Variants in PRKN observed in about 807,000 individuals in gnomAD.
The protein encoded by PRKN is E3 ubiquitin-protein ligase parkin.
A neutral mutation model predicts 59.5 loss-of-function variants in PRKN; 56 were observed. That is an observed-to-expected ratio of 0.94 (90% CI 0.76 to 1.18). The LOEUF (loss-of-function observed/expected upper bound fraction) is 1.18, where lower values mean the gene tolerates loss of function less well. PRKN is among the 50% of genes most tolerant of loss of function. The pLI is 0.00. For missense variants in PRKN, 657 were observed against 596.4 expected (o/e 1.10, Z -1.06); for synonymous variants, 250 against 222.1 (o/e 1.13, Z -1.12).
intron 7 of PRKN, among the ~76,000 whole-genome samples, chr6:161,655,885 T>TACACACACACACACAC (rs376047879): frequency 1.8e-5 from 1 of 56,844 alleles, no homozygotes; most frequent in Non-Finnish European, 4.7e-5. Context: ...CACACACACA[T>TACACACACACACACAC]ACACACACAC....
rs536658645 is a variant in PRKN at position 162,536,423 on chromosome 6, G to A, written c.8-92950C>T. Among the ~76,000 whole-genome samples the A allele has an allele frequency of 2.6e-5, 4 of 152,066 alleles. No homozygotes were observed. The South Asian group carries it at 8.3e-4, about 32-fold the overall frequency. ...ATGTTTCCAGTTCCTTTGGGTACCT[G>A]GTGTCATTTTAGCTCTGAGTTATGT... On this transcript the variant is annotated intron_variant, in intron 1 of 11. Transcript: ENST00000366898.
rs1167868402 is a variant in PRKN at position 161,419,844 on chromosome 6, G to A, written c.1084-32967C>T. Reference sequence around the variant, plus strand: ...ATTTCCATTTATTTCACTGTGAAAGGGGGAAATTGGTACCTACTTGTGGGA... The same window carrying A: ...ATTTCCATTTATTTCACTGTGAAAGAGGGAAATTGGTACCTACTTGTGGGA... On this transcript the variant is annotated intron_variant, in intron 9 of 11. Coordinates refer to ENST00000366898, the MANE Select transcript of PRKN (RefSeq NM_004562.3). The surrounding 1 kb of genome is among the most constrained non-coding windows in gnomAD (Gnocchi z 4.1). 6.6e-6 allele frequency among the ~76,000 whole-genome samples: 1 copy of A among 151,986 alleles called. No homozygotes were observed.
intron 4 of PRKN, among the ~76,000 whole-genome samples, chr6:162,099,483 T>G (rs200781090): frequency 6.6e-6 from 1 of 152,212 alleles, no homozygotes; most frequent in East Asian, 1.9e-4. Context: ...CTTCTAGCAC[T>G]TTTAATTTTA....
At chr6:161,900,868 A>G (rs1777886672) in intron 6 of PRKN, among the ~76,000 whole-genome samples, 1 of 141,998 alleles carries the variant, frequency 7.0e-6, no homozygotes. Flanking sequence ...AATATATAAT[A>G]TACAATACAT....
intron 1 of PRKN, among the ~76,000 whole-genome samples, chr6:162,478,572 C>T (rs1225977797): frequency 1.3e-5 from 2 of 152,166 alleles, no homozygotes; most frequent in African/African-American, 2.4e-5. Context: ...TCCTGAGTAA[C>T]CAACCGTGAA....
At chr6:162,260,110 G>A (rs1562621265) in intron 3 of PRKN, among the ~76,000 whole-genome samples, 1 of 152,172 alleles carries the variant, frequency 6.6e-6, no homozygotes, top group African/African-American at 2.4e-5. Flanking sequence ...GTTGCCCCCA[G>A]TGTGTAGTGG....
chr6:162,288,375 AG>A (rs1293345340), intron 2 of PRKN, among the ~76,000 whole-genome samples: 12 of 152,276 alleles, frequency 7.9e-5, no homozygotes, highest in Admixed American at 5.9e-4. Context: ...CCGTGTGATT[AG>A]GTTACACTAT....
At chr6:161,951,012 A>G (rs140647839) in intron 6 of PRKN, among the ~76,000 whole-genome samples, 11 of 99,030 alleles carry the variant, frequency 1.1e-4, no homozygotes, top group African/African-American at 5.3e-4. Flanking sequence ...TCAATAAATT[A>G]TAATTTTTTT....
intron 2 of PRKN, among the ~76,000 whole-genome samples, chr6:162,356,031 C>G (rs1276030254): frequency 6.6e-6 from 1 of 152,108 alleles, no homozygotes; most frequent in Non-Finnish European, 1.5e-5. Flanking sequence ...CTCCAGTATA[C>G]AGGGCTATCT....
chr6:161,477,902 A>C (rs76638253), intron 9 of PRKN, among the ~76,000 whole-genome samples: 202 of 152,330 alleles, frequency 1.3e-3, no homozygotes, highest in African/African-American at 4.5e-3. Context: ...GATGGCGACC[A>C]GTCTCCGAAG....
chr6:162,657,216 T>C (rs1778676245), intron 1 of PRKN, among the ~76,000 whole-genome samples: 1 of 152,188 alleles, frequency 6.6e-6, no homozygotes, highest in Non-Finnish European at 1.5e-5. Context: ...ATTATATCCT[T>C]GACAGAGCCA....
rs576545402 is a variant in PRKN, at chr6:161,704,510, TG to T, written c.871+81261del. Among the ~76,000 whole-genome samples, 4 of 152,306 alleles carry T rather than the reference TG, an allele frequency of 2.6e-5. No individual in the cohort carries two copies. In the South Asian group the frequency reaches 8.3e-4, roughly 32 times the overall value. ...TCTCACCCGCTGAATCTGGTTACTC[TG>T]GGATTCGTTTCGTGCCCTTTTTACA... On this transcript the variant is annotated intron_variant, in intron 7 of 11. Transcript: ENST00000366898.
chr6:162,385,532 T>C (rs1323922095), intron 2 of PRKN, among the ~76,000 whole-genome samples: 1 of 152,200 alleles, frequency 6.6e-6, no homozygotes, highest in African/African-American at 2.4e-5. Context: ...CTGTTAGATC[T>C]AACTCATCCC....
At chr6:162,348,810 G>C (rs922703511) in intron 2 of PRKN, among the ~76,000 whole-genome samples, 2 of 151,234 alleles carry the variant, frequency 1.3e-5, no homozygotes, top group African/African-American at 2.5e-5. Context: ...AAGAGAGAGA[G>C]AAAGAGAGAC....
At chr6:162,564,707 A>G (rs551528733) in intron 1 of PRKN, among the ~76,000 whole-genome samples, 1 of 152,312 alleles carries the variant, frequency 6.6e-6, no homozygotes, top group South Asian at 2.1e-4. Context: ...GACATATTTA[A>G]AGTGCTGAAG....
chr6:161,866,624 A>G (rs1033146372), intron 6 of PRKN, among the ~76,000 whole-genome samples: 1 of 152,154 alleles, frequency 6.6e-6, no homozygotes, highest in Non-Finnish European at 1.5e-5. Flanking sequence ...ACAGAGACAC[A>G]CAAATGAGCA....
At chr6:162,706,161 G>A (rs1341362584) in intron 1 of PRKN, among the ~76,000 whole-genome samples, 1 of 150,182 alleles carries the variant, frequency 6.7e-6, no homozygotes, top group African/African-American at 2.4e-5. Context: ...GACCACAGCA[G>A]GAAAGCTGCC....
In PRKN at chr6:161,409,333, A is replaced by T. The variant is rs1382890061; in HGVS notation, c.1084-22456T>A. On this transcript the variant is annotated intron_variant, in intron 9 of 11. Transcript: ENST00000366898. The surrounding 1 kb of genome is among the most constrained non-coding windows in gnomAD (Gnocchi z 4.6). ...TGGACAGAAAATCTCTGAGACGATG[A>T]CAGCATTGTGTGTTCTCTAAAGCGC... Among the ~76,000 whole-genome samples, 1 of 152,192 alleles carries T rather than the reference A, an allele frequency of 6.6e-6. No homozygotes were observed. The highest frequency in any genetic ancestry group is 1.5e-5 in the Non-Finnish European group (1 of 68,042).
At chr6:162,519,076 A>G (rs114211392) in intron 1 of PRKN, among the ~76,000 whole-genome samples, 13,560 of 152,158 alleles carry the variant, frequency 0.089, 1,781 homozygotes, top group African/African-American at 0.28. Context: ...AGGCTGAGGC[A>G]GGAGAATCGC....
Sources: gnomAD v4.1 joint callset for allele counts (sites outside exome capture counted in the v4.1 genomes callset) on GRCh38, gnomAD v4.1.1 for gene constraint, Gnocchi (gnomAD v3.1) non-coding constraint, MANE v1.5 for transcripts, NCBI Gene and HGNC (gene_info 2026-07-23, HGNC 2026-07-21) for gene names.